Variants in SPAG1 observed in about 807,000 individuals in gnomAD.
SPAG1 encodes the protein sperm associated antigen 1.
A neutral mutation model predicts 100.5 loss-of-function variants in SPAG1; 69 were observed. The observed-to-expected ratio is 0.69, with a 90% CI of 0.57 to 0.84. The LOEUF is 0.84. SPAG1 is among the 40% of genes least tolerant of loss of function. SPAG1 has a pLI of 0.00. For missense variants in SPAG1, 955 were observed against 1,133.1 expected (o/e 0.84, Z 2.26); for synonymous variants, 336 against 411.6 (o/e 0.82, Z 2.22).
At chr8:100,225,049 T>C in intron 13 of SPAG1, 124 bp from the exon 14 acceptor site, 1 of 630,658 alleles carries the variant, frequency 1.6e-6, no homozygotes, top group Non-Finnish European at 2.8e-6. Flanking sequence ...ATGCTCAGGA[T>C]TGCATGTTTT....
chr8:100,162,558 C>T, intron 2 of SPAG1, 138 bp downstream of exon 2: 1 of 668,760 alleles, frequency 1.5e-6, no homozygotes, highest in Non-Finnish European at 2.4e-6. Flanking sequence ...GGTTTTGATC[C>T]TATGGTTAGT....
intron 7 of SPAG1, among the ~76,000 whole-genome samples, chr8:100,186,444 T>C (rs991233205): frequency 1.2e-4 from 19 of 152,094 alleles, no homozygotes; most frequent in South Asian, 2.1e-4. Flanking sequence ...GATCTATAGG[T>C]ATTTATCTTT....
At chr8:100,187,607 G>A (rs1320222020) in intron 8 of SPAG1, among the ~76,000 whole-genome samples, 2 of 151,956 alleles carry the variant, frequency 1.3e-5, no homozygotes, top group South Asian at 2.1e-4. Flanking sequence ...GAGGTGAGAC[G>A]ATTGCTTGAG....
chr8:100,225,355 A>C lies in SPAG1; in HGVS notation c.1855+16A>C, dbSNP rs1281840384. On this transcript the variant is annotated intron_variant, in intron 14 of 18. Coordinates refer to ENST00000388798, the MANE Select transcript of SPAG1 (RefSeq NM_003114.5). ...GGCATCACAGGTGGGGGATGCCTGC[A>C]CTCATTTCTTCTCAAGGTTACCTTG... 2.5e-6 allele frequency: 4 copies of C among 1,610,872 alleles called. No homozygotes were observed. Among genetic ancestry groups the C allele is most frequent in the East Asian group, 2.2e-5 (1 of 44,876 alleles).
chr8:100,162,807 A>G (rs574955146), intron 2 of SPAG1, among the ~76,000 whole-genome samples: 22 of 152,262 alleles, frequency 1.4e-4, no homozygotes, highest in African/African-American at 4.6e-4. Context: ...GTGAAATCCT[A>G]TCTCTACAAA....
In SPAG1 at chr8:100,239,268, A is replaced by G. The variant is rs771009402; in HGVS notation, c.2144A>G (p.Asn715Ser). Residue 715 changes from asparagine (N) to serine (S), a missense_variant, in exon 17 of 19, where the codon AAT becomes AGT. Transcript: ENST00000388798. The surrounding 1 kb of genome is among the most constrained non-coding windows in gnomAD (Gnocchi z 5.0). ...KNYQKSLIDL[N>S]KVILLDPSII... is the part of the protein sequence containing the mutation. The stretch of plus-strand genomic sequence containing the variant: ...TATCAGAAAAGCTTAATTGATCTCA[A>G]TAAAGTTATCCTACTAGATCCAAGT... The G allele has an allele frequency of 1.5e-5, 23 of 1,524,364 alleles. No homozygotes were observed. Among genetic ancestry groups the G allele is most frequent in the Non-Finnish European group, 1.9e-5 (22 of 1,137,694 alleles). 94.4% of individuals were successfully genotyped at this position (1,524,364 alleles called of 1,614,324 possible).
chr8:100,163,079 C>T (rs1815389397), intron 2 of SPAG1, among the ~76,000 whole-genome samples: 1 of 152,192 alleles, frequency 6.6e-6, no homozygotes, highest in Non-Finnish European at 1.5e-5. Flanking sequence ...GGGTGACCCA[C>T]CGCACACTGA....
chr8:100,161,920 C>T (rs556442087), intron 1 of SPAG1, among the ~76,000 whole-genome samples: 2 of 152,210 alleles, frequency 1.3e-5, no homozygotes, highest in Admixed American at 6.5e-5. Flanking sequence ...GTGATAATTT[C>T]CAGGCCTTCT....
At chr8:100,166,062 T>G (rs2132199080) in intron 3 of SPAG1, 89 bp downstream of exon 3, 1 of 1,236,104 alleles carries the variant, frequency 8.1e-7, no homozygotes, top group East Asian at 2.5e-5. Flanking sequence ...GCTTCTTGTT[T>G]GTCCGTAAAG....
chr8:100,167,894 A>G (rs1028177397), intron 3 of SPAG1, among the ~76,000 whole-genome samples: 13 of 152,202 alleles, frequency 8.5e-5, no homozygotes, highest in African/African-American at 2.4e-4. Context: ...AGACTTGCAT[A>G]TAAATGTAAT....
chr8:100,226,154 G>A (rs1198776115), intron 14 of SPAG1, among the ~76,000 whole-genome samples: 2 of 151,914 alleles, frequency 1.3e-5, no homozygotes, highest in Non-Finnish European at 2.9e-5. Flanking sequence ...CTGCCACCAC[G>A]CACGGCTAAT....
rs1346050214 is a variant in SPAG1 at position 100,239,959 on chromosome 8, T to C, written c.2281-444T>C. On this transcript the variant is annotated intron_variant, in intron 17 of 18. Coordinates refer to ENST00000388798, the MANE Select transcript of SPAG1 (RefSeq NM_003114.5). The surrounding 1 kb of genome is among the most constrained non-coding windows in gnomAD (Gnocchi z 5.0). Reference sequence around the variant, plus strand: ...ATCCCTGTACATTCATGAATGCTAATACCCCATTTATAGTCTCACATTTCC... The same window carrying C: ...ATCCCTGTACATTCATGAATGCTAACACCCCATTTATAGTCTCACATTTCC... Among the ~76,000 whole-genome samples the C allele has an allele frequency of 1.3e-5, 2 of 152,224 alleles. No homozygotes were observed. The highest frequency in any genetic ancestry group is 2.9e-5 in the Non-Finnish European group (2 of 68,028).
chr8:100,169,472 G>A (rs945716598), intron 3 of SPAG1, among the ~76,000 whole-genome samples: 2 of 152,224 alleles, frequency 1.3e-5, no homozygotes, highest in Non-Finnish European at 2.9e-5. Flanking sequence ...GAGCACAGTG[G>A]CTCACGCCTA....
At chr8:100,182,696 C>G (rs1201199708) in intron 4 of SPAG1, among the ~76,000 whole-genome samples, 1 of 152,056 alleles carries the variant, frequency 6.6e-6, no homozygotes, top group Non-Finnish European at 1.5e-5. Context: ...ACTAATATAG[C>G]AATTATTCTT....
chr8:100,200,557 C>T (rs1196561379), intron 10 of SPAG1, among the ~76,000 whole-genome samples: 14 of 152,178 alleles, frequency 9.2e-5, no homozygotes, highest in African/African-American at 3.1e-4. Flanking sequence ...GTTTACAGTC[C>T]CACCAACAGT....
chr8:100,224,496 C>T (rs1466769745), intron 13 of SPAG1, among the ~76,000 whole-genome samples: 29 of 152,022 alleles, frequency 1.9e-4, no homozygotes, highest in Admixed American at 1.7e-3. Context: ...GAACCGAGGT[C>T]GCATCACTGC....
intron 16 of SPAG1, among the ~76,000 whole-genome samples, chr8:100,234,179 A>G (rs1436337025): frequency 6.6e-6 from 1 of 152,214 alleles, no homozygotes; most frequent in Admixed American, 6.5e-5. Context: ...AAAAACCAGA[A>G]CATATTGGAA....
chr8:100,227,000 A>G (rs918708224), intron 14 of SPAG1, among the ~76,000 whole-genome samples: 3 of 152,230 alleles, frequency 2.0e-5, no homozygotes, highest in Non-Finnish European at 4.4e-5. Flanking sequence ...AGTATTCAGT[A>G]CAGTAACATG....
chr8:100,159,378 C>T (rs1815208804), intron 1 of SPAG1, among the ~76,000 whole-genome samples: 1 of 152,162 alleles, frequency 6.6e-6, no homozygotes, highest in South Asian at 2.1e-4. Context: ...CATCCGGAAG[C>T]CTAAGAACTG....
Sources: gnomAD v4.1 joint callset for allele counts (sites outside exome capture counted in the v4.1 genomes callset) on GRCh38, gnomAD v4.1.1 for gene constraint, Gnocchi (gnomAD v3.1) non-coding constraint, MANE v1.5 for transcripts, NCBI Gene and HGNC (gene_info 2026-07-23, HGNC 2026-07-21) for gene names.